The following CAPN5 variants were observed in gnomAD, a reference collection of about 807,000 sequenced individuals.
CAPN5 encodes calpain-5.
CAPN5 carries 54 observed loss-of-function variants against 73.0 expected under a neutral mutation model. That is an observed-to-expected ratio of 0.74 (90% CI 0.59 to 0.93). The LOEUF (loss-of-function observed/expected upper bound fraction) is 0.93. Ranked by LOEUF, CAPN5 falls within the 40% of genes least tolerant of loss-of-function variation. The pLI is 0.00. For missense variants in CAPN5, 785 were observed against 882.9 expected (o/e 0.89, Z 1.41); for synonymous variants, 335 against 356.9 (o/e 0.94, Z 0.69).
chr11:77,101,760 C>G (rs1950287138), intron 3 of CAPN5, among the ~76,000 whole-genome samples: 1 of 152,212 alleles, frequency 6.6e-6, no homozygotes, highest in South Asian at 2.1e-4. Context: ...CATCCCCACT[C>G]TCTCCCCAAC....
At chr11:77,101,604 A>G (rs1439440095) in intron 3 of CAPN5, among the ~76,000 whole-genome samples, 3 of 152,176 alleles carry the variant, frequency 2.0e-5, no homozygotes, top group African/African-American at 7.2e-5. Context: ...CCAGGATCCC[A>G]CTGATTGATT....
chr11:77,105,201 C>A (rs1194260776), intron 3 of CAPN5, among the ~76,000 whole-genome samples: 1 of 151,906 alleles, frequency 6.6e-6, no homozygotes, highest in African/African-American at 2.4e-5. Flanking sequence ...AAGCCTGTGC[C>A]CTGGCCTCGG....
At chr11:77,116,334 G>C in intron 7 of CAPN5, 31 bp downstream of exon 7, 2 of 1,579,100 alleles carry the variant, frequency 1.3e-6, no homozygotes, top group African/African-American at 1.3e-5. Flanking sequence ...GGCGTCCGGG[G>C]CTGAGGGGGC....
intron 3 of CAPN5, among the ~76,000 whole-genome samples, chr11:77,106,235 G>C (rs1950346627): frequency 6.6e-6 from 1 of 151,792 alleles, no homozygotes; most frequent in Admixed American, 6.6e-5. Context: ...CTCACAGCAT[G>C]CGCAGAACCC....
At position 77,123,613 on chromosome 11, in the gene CAPN5, C is replaced by G. The variant is rs577556558; in HGVS notation, c.1741-75C>G. On this transcript the variant is annotated intron_variant, in intron 12 of 12. Transcript: ENST00000648180. ...CACTTCAAGGCCCTGCCACCACCACCAGCACCCCCCATAGACCTATATTGC... is the reference window on the plus strand; with the variant it reads ...CACTTCAAGGCCCTGCCACCACCACGAGCACCCCCCATAGACCTATATTGC... The G allele has an allele frequency of 7.8e-6, 10 of 1,284,202 alleles. No homozygotes were observed. The African/African-American group carries it at 8.8e-5, about 11-fold the overall frequency. The allele number at this position is 1,284,202 out of a possible 1,614,324, so 79.6% of individuals were successfully genotyped here.
rs782353428 is a variant in CAPN5, at chr11:77,086,511, T to C, written c.165+1460T>C. On this transcript the variant is annotated intron_variant, in intron 2 of 12. Coordinates refer to ENST00000648180, the MANE Select transcript of CAPN5 (RefSeq NM_004055.5). ...CAGTCCCAAGAGCTGTAACAGAATC[T>C]CTGGCCCTGTACTGACTCTCTGGAA... Among the ~76,000 whole-genome samples the C allele has an allele frequency of 2.6e-4, 40 of 152,292 alleles. 1 individual carries two copies. Among genetic ancestry groups the C allele is most frequent in the Non-Finnish European group, 5.0e-4 (34 of 68,014 alleles).
intron 1 of CAPN5, among the ~76,000 whole-genome samples, chr11:77,070,556 C>T (rs975574640): frequency 1.3e-5 from 2 of 152,216 alleles, no homozygotes; most frequent in South Asian, 2.1e-4. Context: ...TGGGCTTCTC[C>T]GGGCAGGAGA....
In CAPN5 at chr11:77,093,740, A is replaced by G; in HGVS notation, c.224A>G (p.Gln75Arg). 1.2e-6 allele frequency: 2 copies of G among 1,612,112 alleles called. No homozygotes were observed. The highest frequency in any genetic ancestry group is 1.6e-4 in the Middle Eastern group (1 of 6,062). The change falls in exon 3 of 13, where the codon CAG becomes CGG. Residue 75 changes from glutamine (Q) to arginine (R), a missense_variant. Transcript: ENST00000648180. ...GGCATCAGCTCCCACGACCTGCACCAGGGCCAGGTGGGCAACTGCTGGTTT... is the reference window on the plus strand; with the variant it reads ...GGCATCAGCTCCCACGACCTGCACCGGGGCCAGGTGGGCAACTGCTGGTTT... ...VDGISSHDLH[Q>R]GQVGNCWFVA...
rs1241073451 is a variant in CAPN5, at chr11:77,120,691, C to T, written c.1291-22C>T. 14 of 1,580,518 alleles carry T rather than the reference C, an allele frequency of 8.9e-6. No individual in the cohort carries two copies. In the African/African-American group the frequency reaches 1.3e-4, roughly 15 times the overall value. On this transcript the variant is annotated intron_variant, in intron 9 of 12. Transcript: ENST00000648180. The stretch of plus-strand genomic sequence containing the variant: ...TTGTAGGGTGTGTCTCCGCGTGGCC[C>T]AGCCCCTCCCGCCTCCTGCAGGTGG...
In CAPN5 at chr11:77,115,415, G is replaced by A. The variant is rs1950456404; in HGVS notation, c.720G>A (p.Met240Ile). Residue 240 changes from methionine (M) to isoleucine (I), a missense_variant, in exon 6 of 13, where the codon ATG becomes ATA. Coordinates refer to ENST00000648180, the MANE Select transcript of CAPN5 (RefSeq NM_004055.5). ...CACAGGCAGTGACAGCAGCTGACAT[G>A]GAGGCCCGCCTGGCGTGCGGCCTGG... ...ASIKAVTAAD[M>I]EARLACGLVK... The A allele has an allele frequency of 1.2e-6, 2 of 1,604,078 alleles. No individual in the cohort carries two copies. Among genetic ancestry groups the A allele is most frequent in the Non-Finnish European group, 1.7e-6 (2 of 1,172,786 alleles).
intron 11 of CAPN5, 39 bp from the exon 12 acceptor site, chr11:77,122,537 A>ACCCCCCCCCCCC: frequency 4.7e-6 from 2 of 427,574 alleles, no homozygotes; most frequent in Non-Finnish European, 4.4e-6. Context: ...CACAGCCCCC[A>ACCCCCCCCCCCC]CCCCCACCCT....
intron 2 of CAPN5, among the ~76,000 whole-genome samples, chr11:77,091,681 G>C (rs1376735945): frequency 1.3e-5 from 2 of 152,164 alleles, no homozygotes; most frequent in South Asian, 2.1e-4. Context: ...GGCCTGCTCT[G>C]TTCCCTGGGC....
At chr11:77,119,810 T>TG (rs1555042446) in intron 9 of CAPN5, 1 of 153,152 alleles carries the variant, frequency 6.5e-6, no homozygotes, top group Non-Finnish European at 1.5e-5. Context: ...ACTCTTGTGC[T>TG]GGTACATTCA....
At chr11:77,106,752 T>A (rs1467812159) in intron 3 of CAPN5, among the ~76,000 whole-genome samples, 1 of 152,222 alleles carries the variant, frequency 6.6e-6, no homozygotes, top group Non-Finnish European at 1.5e-5. Context: ...CTCTCAGTTA[T>A]CCGTGGGTGG....
intron 1 of CAPN5, among the ~76,000 whole-genome samples, chr11:77,075,633 C>T (rs1949961454): frequency 6.6e-6 from 1 of 152,202 alleles, no homozygotes; most frequent in East Asian, 1.9e-4. Context: ...ACCTGGGTTA[C>T]CACATTCAGC....
intron 9 of CAPN5, chr11:77,119,802 T>A (rs1034602944): frequency 6.5e-6 from 1 of 153,502 alleles, no homozygotes; most frequent in Non-Finnish European, 1.5e-5. Context: ...TTGTTTATAC[T>A]CTTGTGCTGG....
intron 7 of CAPN5, among the ~76,000 whole-genome samples, chr11:77,117,263 A>G (rs1010149421): frequency 3.3e-5 from 5 of 152,170 alleles, no homozygotes; most frequent in African/African-American, 7.2e-5. Context: ...CCCCAGTAGT[A>G]ATAAAAGTTC....
At position 77,118,290 on chromosome 11, in the gene CAPN5, C is replaced by T. The variant is rs1555042108; in HGVS notation, c.1105C>T (p.Pro369Ser). ...TGGCGCCTGGACGCTGCATGAGGACCCGCGACAGAACCGCGGTGGCGGCTG... is the reference window on the plus strand; with the variant it reads ...TGGCGCCTGGACGCTGCATGAGGACTCGCGACAGAACCGCGGTGGCGGCTG... ...LHGAWTLHED[P>S]RQNRGGGCIN... is the part of the protein sequence containing the mutation. The change falls in exon 8 of 13, where the codon CCG becomes TCG. Residue 369 changes from proline (P) to serine (S), a missense_variant. By Grantham distance (74) the Pro-to-Ser change is moderately conservative (BLOSUM62 -1). Coordinates refer to ENST00000648180, the MANE Select transcript of CAPN5 (RefSeq NM_004055.5). 1.2e-6 allele frequency: 2 copies of T among 1,613,626 alleles called. No individual in the cohort carries two copies. Among genetic ancestry groups the T allele is most frequent in the Non-Finnish European group, 1.7e-6 (2 of 1,179,826 alleles).
chr11:77,088,140 C>G, intron 2 of CAPN5: 1 of 1,402,638 alleles, frequency 7.1e-7, no homozygotes, highest in Non-Finnish European at 9.4e-7. Flanking sequence ...GGGTATGAGC[C>G]TGGAGGTCCT....
Sources: allele counts gnomAD v4.1 joint callset (sites outside exome capture counted in the v4.1 genomes callset), GRCh38; gene constraint gnomAD v4.1.1; transcripts MANE v1.5; gene names NCBI Gene and HGNC (gene_info 2026-07-23, HGNC 2026-07-21).